Variants in NRXN3 observed in about 807,000 individuals in gnomAD.
NRXN3 encodes the protein neurexin 3.
NRXN3 carries 32 observed loss-of-function variants against 137.6 expected under a neutral mutation model. The ratio of observed to expected loss-of-function variants is 0.23; its 90% confidence interval spans 0.18 to 0.31. The LOEUF is 0.31. NRXN3 is among the 10% of genes least tolerant of loss of function. The probability of loss-of-function intolerance (pLI) is 1.00; values close to 1 mark genes in which losing one functional copy is unlikely to be tolerated. For missense variants in NRXN3, 1,574 were observed against 2,062.5 expected, an observed-to-expected ratio of 0.76 and a Z score of 4.59; for synonymous variants, 798 against 784.5, an observed-to-expected ratio of 1.02 and a Z score of -0.29.
intron 15 of NRXN3, among the ~76,000 whole-genome samples, chr14:79,293,370 A>G (rs2083506118): frequency 6.6e-6 from 1 of 152,192 alleles, no homozygotes; most frequent in Non-Finnish European, 1.5e-5. Context: ...GGAATCATCA[A>G]ATGCGAAACC....
At chr14:78,870,432 G>A (rs1267141624) in intron 10 of NRXN3, among the ~76,000 whole-genome samples, 1 of 152,066 alleles carries the variant, frequency 6.6e-6, no homozygotes, top group African/African-American at 2.4e-5. Context: ...TGGGGTATAT[G>A]TGATATTTTG....
intron 19 of NRXN3, among the ~76,000 whole-genome samples, chr14:79,711,445 GTGTATATA>G (rs2098803786): frequency 6.6e-6 from 1 of 151,332 alleles, no homozygotes; most frequent in African/African-American, 2.4e-5. Context: ...TTTATTTTTA[GTGTATATA>G]TGTATATATA....
rs545880684 is a variant in NRXN3, at chr14:78,194,097, G to C, written c.-704+23423G>C. ...CACGCTGGGTTTGGAGCGAGGACATGATGTGCGACCCACATCGGTCCCTTC... is the reference window on the plus strand; with the variant it reads ...CACGCTGGGTTTGGAGCGAGGACATCATGTGCGACCCACATCGGTCCCTTC... On this transcript the variant is annotated intron_variant, in intron 1 of 20. Coordinates refer to ENST00000335750, the MANE Select transcript of NRXN3 (RefSeq NM_001330195.2). Among the ~76,000 whole-genome samples the C allele has an allele frequency of 5.0e-4, 76 of 152,322 alleles. 1 individual carries two copies. Among genetic ancestry groups the C allele is most frequent in the African/African-American group, 1.7e-3 (70 of 41,568 alleles).
intron 15 of NRXN3, among the ~76,000 whole-genome samples, chr14:79,292,653 C>G (rs1310677339): frequency 6.6e-6 from 1 of 152,196 alleles, no homozygotes; most frequent in Non-Finnish European, 1.5e-5. Context: ...GCCCTTCATA[C>G]ATATGGTAGT....
At chr14:78,523,816 C>CAAAAAAAAAAAAAAAAAAAAAAAAAAAAA (rs56083130) in intron 4 of NRXN3, among the ~76,000 whole-genome samples, 2 of 61,578 alleles carry the variant, frequency 3.2e-5, no homozygotes, top group Non-Finnish European at 5.3e-5. Context: ...GACTCTGTCT[C>CAAAAAAAAAAAAAAAAAAAAAAAAAAAAA]AAAAAAAAAA....
intron 1 of NRXN3, among the ~76,000 whole-genome samples, chr14:78,227,831 G>T (rs918954774): frequency 1.3e-5 from 2 of 152,162 alleles, no homozygotes; most frequent in African/African-American, 4.8e-5. Context: ...TTAAGCCTTG[G>T]CCAGGAAAAC....
At chr14:78,187,623 T>G (rs1283579220) in intron 1 of NRXN3, among the ~76,000 whole-genome samples, 1 of 152,166 alleles carries the variant, frequency 6.6e-6, no homozygotes, top group Non-Finnish European at 1.5e-5. Flanking sequence ...CAAATTCTGC[T>G]AATAGGAAGT....
At chr14:79,830,963 T>G (rs1294711354) in intron 20 of NRXN3, among the ~76,000 whole-genome samples, 1 of 152,182 alleles carries the variant, frequency 6.6e-6, no homozygotes. Context: ...GAAGCTCACT[T>G]TTTTAGATGA....
chr14:78,315,337 C>A (rs992270661), intron 4 of NRXN3, among the ~76,000 whole-genome samples: 9 of 152,092 alleles, frequency 5.9e-5, no homozygotes, highest in African/African-American at 2.2e-4. Flanking sequence ...GAGTTACTTA[C>A]ATTAGTGTTT....
At chr14:78,379,218 T>C (rs753542775) in intron 4 of NRXN3, among the ~76,000 whole-genome samples, 1 of 152,174 alleles carries the variant, frequency 6.6e-6, no homozygotes, top group Non-Finnish European at 1.5e-5. Context: ...GCATATAAGC[T>C]CTTCTAGAAA....
intron 16 of NRXN3, among the ~76,000 whole-genome samples, chr14:79,604,379 C>T (rs933094873): frequency 2.0e-5 from 3 of 151,480 alleles, no homozygotes; most frequent in Admixed American, 6.6e-5. Flanking sequence ...GGGCTACAGG[C>T]GCCTGCCACC....
intron 5 of NRXN3, among the ~76,000 whole-genome samples, chr14:78,646,605 C>T (rs1359974754): frequency 6.6e-6 from 1 of 152,182 alleles, no homozygotes; most frequent in Middle Eastern, 3.2e-3. Flanking sequence ...ATGGTATAGG[C>T]TGGCACACAT....
chr14:78,846,386 A>T (rs1042782781), intron 10 of NRXN3, among the ~76,000 whole-genome samples: 1 of 152,084 alleles, frequency 6.6e-6, no homozygotes, highest in Non-Finnish European at 1.5e-5. Flanking sequence ...AAGCTATACA[A>T]TGTAGTGGAG....
At chr14:78,276,274 G>T (rs768303953) in intron 2 of NRXN3, among the ~76,000 whole-genome samples, 1 of 152,182 alleles carries the variant, frequency 6.6e-6, no homozygotes, top group Non-Finnish European at 1.5e-5. Flanking sequence ...CCTTGCTTCT[G>T]TTCGCCCCCT....
chr14:79,360,787 T>A (rs1420561757), intron 15 of NRXN3, among the ~76,000 whole-genome samples: 1 of 152,250 alleles, frequency 6.6e-6, no homozygotes, highest in Non-Finnish European at 1.5e-5. Context: ...TATGCTCTTA[T>A]CAAGTAGTGT....
intron 15 of NRXN3, among the ~76,000 whole-genome samples, chr14:79,040,072 A>C (rs141051175): frequency 6.6e-6 from 1 of 152,310 alleles, no homozygotes; most frequent in East Asian, 1.9e-4. Flanking sequence ...GGCCTTCCAC[A>C]GTTCCCATCT....
chr14:79,240,838 A>G (rs1366950049), intron 15 of NRXN3, among the ~76,000 whole-genome samples: 2 of 152,180 alleles, frequency 1.3e-5, no homozygotes, highest in Non-Finnish European at 2.9e-5. Flanking sequence ...CTAGGACAAT[A>G]TTAAACACAT....
intron 15 of NRXN3, among the ~76,000 whole-genome samples, chr14:79,171,539 A>G (rs1322595137): frequency 2.6e-5 from 4 of 152,132 alleles, no homozygotes; most frequent in Admixed American, 2.0e-4. Context: ...TTACCCATCT[A>G]TTTCAATACC....
At chr14:79,185,681 G>T (rs929897840) in intron 15 of NRXN3, among the ~76,000 whole-genome samples, 3 of 151,970 alleles carry the variant, frequency 2.0e-5, no homozygotes, top group Non-Finnish European at 4.4e-5. Context: ...TAGCCAGGAT[G>T]GTCTCGATCT....
Sources: allele counts gnomAD v4.1 joint callset (sites outside exome capture counted in the v4.1 genomes callset), GRCh38; gene constraint gnomAD v4.1.1; transcripts MANE v1.5; gene names NCBI Gene and HGNC (gene_info 2026-07-23, HGNC 2026-07-21).